UBR7: variants seen among roughly 807,000 people sequenced by gnomAD.
UBR7 encodes putative E3 ubiquitin-protein ligase UBR7.
In UBR7, 22 loss-of-function variants were observed where a neutral mutation model predicts 57.0. That is an observed-to-expected ratio of 0.39 (90% confidence interval 0.28 to 0.55). The LOEUF (loss-of-function observed/expected upper bound fraction) is 0.55. Ranked by LOEUF, UBR7 falls within the 20% of genes least tolerant of loss-of-function variation. The pLI is 0.69. For missense variants in UBR7, 395 were observed against 513.2 expected (o/e 0.77, Z 2.23); for synonymous variants, 167 against 179.8 (o/e 0.93, Z 0.57).
chr14:93,226,405 TG>T (rs1477997831), intron 10 of UBR7, among the ~76,000 whole-genome samples: 2 of 152,174 alleles, frequency 1.3e-5, no homozygotes, highest in Non-Finnish European at 1.5e-5. Context: ...CCCAGCATTC[TG>T]GGAGGAAGCG....
intron 4 of UBR7, among the ~76,000 whole-genome samples, chr14:93,214,595 C>T (rs1269215982): frequency 1.3e-5 from 2 of 152,180 alleles, no homozygotes; most frequent in Non-Finnish European, 2.9e-5. Context: ...CATCCTTATA[C>T]AGTAATACAA....
intron 4 of UBR7, among the ~76,000 whole-genome samples, chr14:93,213,257 T>G (rs547806182): frequency 2.0e-5 from 3 of 152,200 alleles, no homozygotes; most frequent in Non-Finnish European, 4.4e-5. Context: ...ACCTTGCATA[T>G]TACCAGTTCT....
rs1343698757 is a variant in UBR7, at chr14:93,219,096, C to T, written c.811-116C>T. 4 of 1,229,282 alleles carry T rather than the reference C, an allele frequency of 3.3e-6. 1 individual carries two copies. The African/African-American group carries it at 4.6e-5, about 14-fold the overall frequency. 76.1% of individuals were successfully genotyped at this position (1,229,282 alleles called of 1,614,324 possible). A position where few individuals can be genotyped will look rare whatever the true frequency, so the allele number is the denominator to read the frequency against. On this transcript the variant is annotated intron_variant, in intron 7 of 10. Coordinates refer to ENST00000013070, the MANE Select transcript of UBR7 (RefSeq NM_175748.4). The stretch of plus-strand genomic sequence containing the variant: ...ACTGAAGTGGAATTAATTCTGTAAA[C>T]TTATGGCTTTGGATTTCAATTTTAT...
chr14:93,218,786 TG>T (rs1894646049), intron 7 of UBR7, 51 bp downstream of exon 7: 1 of 1,579,968 alleles, frequency 6.3e-7, no homozygotes, highest in Admixed American at 1.7e-5. Context: ...CCAGGCGCGG[TG>T]GCTCATGCCC....
At chr14:93,213,640 CTGA>C (rs980887297) in intron 4 of UBR7, among the ~76,000 whole-genome samples, 33 of 152,066 alleles carry the variant, frequency 2.2e-4, no homozygotes, top group African/African-American at 8.0e-4. Flanking sequence ...TTTTCTTTCC[CTGA>C]TGATAAGTGA....
Position 93,212,227 on chromosome 14 carries a change from T to C in UBR7, c.441+100T>C, listed in dbSNP as rs1894500081. On this transcript the variant is annotated intron_variant, in intron 4 of 10. Coordinates refer to ENST00000013070, the MANE Select transcript of UBR7 (RefSeq NM_175748.4). ...GCCTCTGGCTCTTCAAGAGGCAGTG[T>C]GGGATGGTGAAAGGGCTCTAGATTT... The C allele has an allele frequency of 9.3e-6, 8 of 864,288 alleles. No homozygotes were observed. In the South Asian group the frequency reaches 9.9e-5, roughly 11 times the overall value. The allele number at this position is 864,288 out of a possible 1,614,324, so 53.5% of individuals were successfully genotyped here.
chr14:93,207,284 A>G lies in UBR7; in HGVS notation c.-8A>G, dbSNP rs751826255. The stretch of plus-strand genomic sequence containing the variant: ...GGGGCCGAGCCGCTGTTCGGCTGAC[A>G]GTTGAGGATGGCCGGAGCCGAGGGC... On this transcript the variant is annotated 5_prime_UTR_variant, in exon 1 of 11. Transcript: ENST00000013070. 9.7e-6 allele frequency: 15 copies of G among 1,552,814 alleles called. No homozygotes were observed. Among genetic ancestry groups the G allele is most frequent in the Non-Finnish European group, 1.3e-5 (15 of 1,148,256 alleles).
chr14:93,225,314 CAAA>C (rs907858548), intron 10 of UBR7, among the ~76,000 whole-genome samples: 1 of 149,350 alleles, frequency 6.7e-6, no homozygotes, highest in African/African-American at 2.5e-5. Context: ...TCTAACAAAA[CAAA>C]AACAAAAACC....
chr14:93,223,469 G>T, intron 10 of UBR7: 1 of 532,722 alleles, frequency 1.9e-6, no homozygotes, highest in Non-Finnish European at 3.3e-6. Context: ...AGGCTGGCTT[G>T]AGCCCTGCTT....
chr14:93,207,481 C>A, intron 1 of UBR7, 40 bp downstream of exon 1: 1 of 1,509,230 alleles, frequency 6.6e-7, no homozygotes, highest in Non-Finnish European at 8.8e-7. Context: ...CCGGCTCCCG[C>A]CGAACCTCCC....
chr14:93,227,727 G>T lies in UBR7; in HGVS notation c.*692G>T. 1.4e-6 allele frequency: 1 copy of T among 700,838 alleles called. No individual in the cohort carries two copies. Among genetic ancestry groups the T allele is most frequent in the Non-Finnish European group, 2.6e-6 (1 of 384,834 alleles). 43.4% of individuals were successfully genotyped at this position (700,838 alleles called of 1,614,324 possible). A position where few individuals can be genotyped will look rare whatever the true frequency, so the allele number is the denominator to read the frequency against. On this transcript the variant is annotated 3_prime_UTR_variant, in exon 11 of 11. Transcript: ENST00000013070. Reference sequence around the variant, plus strand: ...TGAATTTTACTAATACAGTTCAAGTGAAATTTTCGTTCATGATTCTATTGG... The same window carrying T: ...TGAATTTTACTAATACAGTTCAAGTTAAATTTTCGTTCATGATTCTATTGG...
chr14:93,226,586 C>A (rs547908597), intron 10 of UBR7, among the ~76,000 whole-genome samples: 1 of 151,958 alleles, frequency 6.6e-6, no homozygotes, highest in Non-Finnish European at 1.5e-5. Context: ...GTCAGGAGAT[C>A]GAGACCATCC....
chr14:93,223,394 CAAAAA>C (rs34453404), intron 10 of UBR7, among the ~76,000 whole-genome samples: 5 of 94,354 alleles, frequency 5.3e-5, no homozygotes, highest in Non-Finnish European at 1.0e-4. Flanking sequence ...GACTCCATCT[CAAAAA>C]AAAAAAAAAA....
At chr14:93,222,437 T>A in intron 10 of UBR7, 63 bp downstream of exon 10, 1 of 1,263,784 alleles carries the variant, frequency 7.9e-7, no homozygotes, top group Non-Finnish European at 1.2e-6. Flanking sequence ...GTTTATTTCC[T>A]TTGACGATTA....
In UBR7 at chr14:93,209,969, C is replaced by T. The variant is rs1479541530; in HGVS notation, c.284+12C>T. The stretch of plus-strand genomic sequence containing the variant: ...CTATACACAAAAAGGTAAACATAGT[C>T]AAGAGATTGTTACTAAATGCTTTTG... On this transcript the variant is annotated intron_variant, in intron 2 of 10. Transcript: ENST00000013070. 1.9e-6 allele frequency: 3 copies of T among 1,613,460 alleles called. No homozygotes were observed. Among genetic ancestry groups the T allele is most frequent in the Non-Finnish European group, 2.5e-6 (3 of 1,179,694 alleles).
At chr14:93,207,580 AC>A in intron 1 of UBR7, 139 bp downstream of exon 1, 1 of 1,225,598 alleles carries the variant, frequency 8.2e-7, no homozygotes, top group Non-Finnish European at 1.1e-6. Flanking sequence ...CCGCTTCCTC[AC>A]CCCAAGCTCA....
intron 1 of UBR7, among the ~76,000 whole-genome samples, chr14:93,209,069 T>A (rs1894428305): frequency 6.6e-6 from 1 of 152,226 alleles, no homozygotes; most frequent in Non-Finnish European, 1.5e-5. Flanking sequence ...CACCTCGGCC[T>A]CCCAAAGTGC....
chr14:93,223,223 C>T (rs949231145), intron 10 of UBR7, among the ~76,000 whole-genome samples: 1 of 151,988 alleles, frequency 6.6e-6, no homozygotes, highest in African/African-American at 2.4e-5. Context: ...ATGGTGAAAC[C>T]TTGTCTCTAC....
At chr14:93,222,883 A>G (rs1390512824) in intron 10 of UBR7, among the ~76,000 whole-genome samples, 1 of 152,186 alleles carries the variant, frequency 6.6e-6, no homozygotes, top group Non-Finnish European at 1.5e-5. Context: ...TACCAACCCC[A>G]GCTAAGCCGG....
Sources: gnomAD v4.1 joint callset for allele counts (sites outside exome capture counted in the v4.1 genomes callset) on GRCh38, gnomAD v4.1.1 for gene constraint, MANE v1.5 for transcripts, NCBI Gene and HGNC (gene_info 2026-07-23, HGNC 2026-07-21) for gene names.